DOCK4: variants seen among roughly 807,000 people sequenced by gnomAD.
DOCK4 encodes dedicator of cytokinesis protein 4.
DOCK4 carries 97 observed loss-of-function variants against 268.1 expected under a neutral mutation model. The observed-to-expected ratio is 0.36, with a 90% CI of 0.31 to 0.43. The LOEUF (loss-of-function observed/expected upper bound fraction) is 0.43. DOCK4 is among the 20% of genes least tolerant of loss of function. DOCK4 has a pLI of 1.00. For synonymous variants in DOCK4, 954 were observed against 887.2 expected (o/e 1.08, Z -1.34); for missense variants, 2,145 against 2,455.7 (o/e 0.87, Z 2.67).
intron 1 of DOCK4, among the ~76,000 whole-genome samples, chr7:112,108,016 T>C (rs1811284208): frequency 6.6e-6 from 1 of 152,196 alleles, no homozygotes. Context: ...TATTTCAGAA[T>C]ATGGACAGTA....
chr7:112,179,956 A>C (rs946421121), intron 1 of DOCK4, among the ~76,000 whole-genome samples: 1 of 152,174 alleles, frequency 6.6e-6, no homozygotes, highest in African/African-American at 2.4e-5. Flanking sequence ...ATCTAGTTTT[A>C]AAACGGGGTG....
chr7:111,787,899 G>T (rs1799288221), intron 32 of DOCK4, among the ~76,000 whole-genome samples: 1 of 152,174 alleles, frequency 6.6e-6, no homozygotes. Context: ...ATTTGAAAAT[G>T]ACTAAGATCC....
rs1256715846 is a variant in DOCK4 at position 111,726,567 on chromosome 7, CAT to C, written c.*1705_*1706del. Reference sequence around the variant, plus strand: ...ACTTGCAAGATACAAAGCTAAAATGCATATGTTCCTTTTCTCAATTATGAACA... The same window carrying C: ...ACTTGCAAGATACAAAGCTAAAATGCATGTTCCTTTTCTCAATTATGAACA... On this transcript the variant is annotated 3_prime_UTR_variant, in exon 53 of 53. Transcript: ENST00000428084. The C allele has an allele frequency of 2.0e-5, 3 of 152,676 alleles. No homozygotes were observed. Among genetic ancestry groups the C allele is most frequent in the Non-Finnish European group, 4.4e-5 (3 of 68,018 alleles). 9.5% of individuals were successfully genotyped at this position (152,676 alleles called of 1,614,324 possible).
At chr7:112,127,073 G>T (rs1259750653) in intron 1 of DOCK4, among the ~76,000 whole-genome samples, 17 of 151,460 alleles carry the variant, frequency 1.1e-4, no homozygotes, top group Non-Finnish European at 2.2e-4. Flanking sequence ...TATACCCAAA[G>T]GACTATAAAT....
rs527903018 is a variant in DOCK4 at position 112,105,969 on chromosome 7, G to C, written c.37+100133C>G. Among the ~76,000 whole-genome samples, 24 of 152,292 alleles carry C rather than the reference G, an allele frequency of 1.6e-4. No homozygotes were observed. In the South Asian group the frequency reaches 4.8e-3, roughly 30 times the overall value. The stretch of plus-strand genomic sequence containing the variant: ...GCCTCCTAAAGTGCTGGGATCACAG[G>C]CATGAGCCACTGCGCCCAGCCAGAG... On this transcript the variant is annotated intron_variant, in intron 1 of 52. Transcript: ENST00000428084.
intron 1 of DOCK4, among the ~76,000 whole-genome samples, chr7:112,068,928 T>TA (rs1214139129): frequency 2.6e-5 from 4 of 152,004 alleles, no homozygotes; most frequent in Non-Finnish European, 4.4e-5. Context: ...GCTGAAACAT[T>TA]TAAAAACAAC....
Position 111,732,306 on chromosome 7 carries a change from A to T in DOCK4, c.5420-19T>A. ...GGTGAAGCTGTCAATGGGGAGAGAG[A>T]TAACATTTCAATTAAGAAAAACCAG... On this transcript the variant is annotated intron_variant, in intron 51 of 52. Transcript: ENST00000428084. 1 of 1,613,556 alleles carries T rather than the reference A, an allele frequency of 6.2e-7. No homozygotes were observed. Among genetic ancestry groups the T allele is most frequent in the South Asian group, 1.1e-5 (1 of 91,012 alleles).
At chr7:112,139,171 A>G (rs1346992781) in intron 1 of DOCK4, among the ~76,000 whole-genome samples, 1 of 152,132 alleles carries the variant, frequency 6.6e-6, no homozygotes, top group Admixed American at 6.6e-5. Flanking sequence ...TCCTCCTGTA[A>G]CCAATTTGTG....
intron 1 of DOCK4, among the ~76,000 whole-genome samples, chr7:112,082,859 C>T (rs1808728012): frequency 6.6e-6 from 1 of 151,974 alleles, no homozygotes; most frequent in South Asian, 2.1e-4. Context: ...TGGTAAAATC[C>T]TACCCATATG....
At chr7:111,996,635 G>A (rs1799980372) in intron 4 of DOCK4, among the ~76,000 whole-genome samples, 1 of 152,046 alleles carries the variant, frequency 6.6e-6, no homozygotes, top group South Asian at 2.1e-4. Context: ...CTAATGTTGG[G>A]CTTTTCTGTT....
chr7:111,784,272 G>A (rs765742616), intron 32 of DOCK4, 149 bp from the exon 33 acceptor site: 77 of 905,344 alleles, frequency 8.5e-5, no homozygotes, highest in Non-Finnish European at 1.3e-4. Context: ...TACACTAACA[G>A]AGGCTTGCGT....
chr7:111,943,847 A>G (rs1362988770), intron 10 of DOCK4, among the ~76,000 whole-genome samples: 1 of 152,252 alleles, frequency 6.6e-6, no homozygotes, highest in Admixed American at 6.5e-5. Context: ...TATGTTTTTT[A>G]TAGTCTCACT....
intron 6 of DOCK4, among the ~76,000 whole-genome samples, chr7:111,986,360 A>G (rs1799054474): frequency 6.6e-6 from 1 of 152,138 alleles, no homozygotes; most frequent in African/African-American, 2.4e-5. Flanking sequence ...TTTTTCTCCC[A>G]TAGTCTTGAT....
chr7:111,797,292 A>G (rs1163203001), intron 30 of DOCK4, among the ~76,000 whole-genome samples: 3 of 152,190 alleles, frequency 2.0e-5, no homozygotes, highest in Non-Finnish European at 4.4e-5. Context: ...TTTCAGGGGA[A>G]CCATCTAAAA....
intron 1 of DOCK4, among the ~76,000 whole-genome samples, chr7:112,069,178 C>G (rs1301231003): frequency 6.6e-6 from 1 of 152,172 alleles, no homozygotes; most frequent in African/African-American, 2.4e-5. Context: ...GTCTACGTAA[C>G]ACCAAGTTTG....
At position 111,869,643 on chromosome 7, in the gene DOCK4, T is replaced by C. The variant is rs1806253834; in HGVS notation, c.2040A>G (p.Lys680=). The change falls in exon 21 of 53, where the codon AAA becomes AAG. Residue 680 remains lysine, a synonymous_variant. Coordinates refer to ENST00000428084, the MANE Select transcript of DOCK4 (RefSeq NM_001363540.2). The part of the protein sequence containing the change: ...AGALAYRDLI[K]VLKWYVDRIT... ...TCCGGTCCACGTACCATTTGAGCAC[T>C]TTGATGAGATCTCTAAAATACAGGG... 6.2e-7 allele frequency: 1 copy of C among 1,613,246 alleles called. No homozygotes were observed. Among genetic ancestry groups the C allele is most frequent in the South Asian group, 1.1e-5 (1 of 91,076 alleles).
intron 1 of DOCK4, among the ~76,000 whole-genome samples, chr7:112,092,757 A>T (rs1809748855): frequency 6.6e-6 from 1 of 152,186 alleles, no homozygotes; most frequent in Non-Finnish European, 1.5e-5. Flanking sequence ...GCAATAGATC[A>T]GAAGGCCATA....
intron 23 of DOCK4, among the ~76,000 whole-genome samples, chr7:111,848,408 AATT>A (rs1231127856): frequency 6.6e-6 from 1 of 152,174 alleles, no homozygotes; most frequent in African/African-American, 2.4e-5. Context: ...GCCACCTTGA[AATT>A]CTTAACTTTT....
At position 112,004,091 on chromosome 7, in the gene DOCK4, T is replaced by A. The variant is rs778686136; in HGVS notation, c.78A>T (p.Ser26=). 6.2e-7 allele frequency: 1 copy of A among 1,602,580 alleles called. No homozygotes were observed. Among genetic ancestry groups the A allele is most frequent in the South Asian group, 1.1e-5 (1 of 88,264 alleles). The part of the protein sequence containing the change: ...SFRGTVPYGL[S]LEIGDTVQIL... ...TCTGAACTGTATCTCCAATTTCCAA[T>A]GACAGGCCATATGGAACGGTTCCTC... The change falls in exon 2 of 53, where the codon TCA becomes TCT. Residue 26 remains serine, a synonymous_variant. Transcript: ENST00000428084.
Sources: gnomAD v4.1 joint callset for allele counts (sites outside exome capture counted in the v4.1 genomes callset) on GRCh38, gnomAD v4.1.1 for gene constraint, MANE v1.5 for transcripts, NCBI Gene and HGNC (gene_info 2026-07-23, HGNC 2026-07-21) for gene names.